Variants in ARHGEF18 observed in about 807,000 individuals in gnomAD.
The protein encoded by ARHGEF18 is rho guanine nucleotide exchange factor 18.
In ARHGEF18, 93 loss-of-function variants were observed where a neutral mutation model predicts 155.7. The ratio of observed to expected loss-of-function variants is 0.60; its 90% CI spans 0.50 to 0.71. The LOEUF is 0.71. Among genes scored for constraint, ARHGEF18 ranks in the 30% least tolerant of loss-of-function variants. ARHGEF18 has a pLI of 0.00. For synonymous variants in ARHGEF18, 742 were observed against 753.1 expected, an observed-to-expected ratio of 0.99 and a Z score of 0.24; for missense variants, 1,593 against 1,816.1, an observed-to-expected ratio of 0.88 and a Z score of 2.23.
At chr19:7,418,703 G>A (rs142857556) in intron 10 of ARHGEF18, among the ~76,000 whole-genome samples, 7 of 152,198 alleles carry the variant, frequency 4.6e-5, no homozygotes, top group Non-Finnish European at 7.4e-5. Flanking sequence ...CCCGGGCAGC[G>A]TGGCTGCGAT....
At chr19:7,433,697 CAAAG>C (rs1974096781) in intron 10 of ARHGEF18, among the ~76,000 whole-genome samples, 1 of 151,700 alleles carries the variant, frequency 6.6e-6, no homozygotes. Flanking sequence ...GACTGAGTCA[CAAAG>C]GAAGCACAGC....
At chr19:7,439,900 T>C (rs1399614610) in intron 10 of ARHGEF18, 1 of 1,458,574 alleles carries the variant, frequency 6.9e-7, no homozygotes, top group African/African-American at 1.4e-5. Flanking sequence ...TTTTTCTGTT[T>C]TATTCTATCA....
chr19:7,444,519 C>G lies in ARHGEF18; in HGVS notation c.1611+65C>G. On this transcript the variant is annotated intron_variant, in intron 14 of 28. Transcript: ENST00000668164. The surrounding 1 kb of genome is among the most constrained non-coding windows in gnomAD (Gnocchi z 4.7). ...TCTGCCTTGTCTCTGTTCCTTTCTT[C>G]TTTTTTTCTGAGATAGGGTCTTGCC... 6.3e-7 allele frequency: 1 copy of G among 1,576,710 alleles called. No homozygotes were observed.
chr19:7,467,170 G>GGCGC, intron 25 of ARHGEF18, 44 bp from the exon 26 acceptor site: 1 of 1,577,958 alleles, frequency 6.3e-7, no homozygotes. Flanking sequence ...GGTTGGCTGG[G>GGCGC]GCGCAGGTGC....
Position 7,359,559 on chromosome 19 carries a change from G to T in ARHGEF18, c.-110-3222G>T, listed in dbSNP as rs1050816419. On this transcript the variant is annotated intron_variant, in intron 1 of 28. Coordinates refer to ENST00000668164, the MANE Select transcript of ARHGEF18 (RefSeq NM_001367823.1). ...ATTAGGGCTTAGCCTATGACACTAG[G>T]ATCAGGGATCAATATATGACACCAG... Among the ~76,000 whole-genome samples the T allele has an allele frequency of 2.0e-5, 3 of 152,070 alleles. No homozygotes were observed. In the East Asian group the frequency reaches 5.8e-4, roughly 29 times the overall value.
In ARHGEF18 at chr19:7,362,056, A is replaced by G. The variant is rs370834809; in HGVS notation, c.-110-725A>G. 6.8e-3 allele frequency among the ~76,000 whole-genome samples: 250 copies of G among 36,968 alleles called. 9 individuals carry two copies. Among genetic ancestry groups the G allele is most frequent in the East Asian group, 0.053 (68 of 1,284 alleles). 24.3% of individuals were successfully genotyped at this position (36,968 alleles called of 152,430 possible). On this transcript the variant is annotated intron_variant, in intron 1 of 28. Transcript: ENST00000668164. ...GAAGGAGAAGGAGAAGGAGAAGGAG[A>G]AGGAGAAGGAGAAGGAGAAGGAGAA...
At chr19:7,389,397 C>T (rs1389393879) in intron 10 of ARHGEF18, among the ~76,000 whole-genome samples, 1 of 147,050 alleles carries the variant, frequency 6.8e-6, no homozygotes, top group Non-Finnish European at 1.5e-5. Flanking sequence ...TGGGCTCAAG[C>T]GATCCACCCA....
chr19:7,416,179 G>C (rs1205724523), intron 10 of ARHGEF18, among the ~76,000 whole-genome samples: 2 of 152,100 alleles, frequency 1.3e-5, no homozygotes, highest in East Asian at 1.9e-4. Flanking sequence ...AGGAGGATTA[G>C]TTGAGCCCAG....
At chr19:7,456,471 C>T in intron 18 of ARHGEF18, 68 bp downstream of exon 18, 1 of 1,446,384 alleles carries the variant, frequency 6.9e-7, no homozygotes, top group Non-Finnish European at 9.7e-7. Context: ...AATCCCAGCA[C>T]TTTGGGAGGC....
chr19:7,469,130 A>G lies in ARHGEF18; in HGVS notation c.3786A>G (p.Ser1262=), dbSNP rs777851547. ...KSRGSQRWES[S]ASFDLKQQLL... ...GGGGCTCTCAGCGCTGGGAGAGCTC[A>G]GGTGAGCCGGCCCCACCCCTTCGCC... The change falls in exon 27 of 29, where the codon TCA becomes TCG. Residue 1262 remains serine (S), a splice_region_variant and synonymous_variant. Transcript: ENST00000668164. 4.8e-5 allele frequency: 77 copies of G among 1,590,974 alleles called. No individual in the cohort carries two copies. The South Asian group carries it at 8.5e-4, about 18-fold the overall frequency.
chr19:7,352,137 C>G (rs536742223), intron 1 of ARHGEF18, among the ~76,000 whole-genome samples: 4 of 152,218 alleles, frequency 2.6e-5, no homozygotes, highest in African/African-American at 9.6e-5. Context: ...TTGTGAAAAA[C>G]TATAGGGATA....
rs540097946 is a variant in ARHGEF18, at chr19:7,450,338, T to C, written c.1738-811T>C. On this transcript the variant is annotated intron_variant, in intron 15 of 28. Transcript: ENST00000668164. ...TTAATACAGGATCTTGCTGTCCATTTCCAAGATGTTAATGCGGGATCTTGC... is the reference window on the plus strand; with the variant it reads ...TTAATACAGGATCTTGCTGTCCATTCCCAAGATGTTAATGCGGGATCTTGC... Among the ~76,000 whole-genome samples, 3 of 151,738 alleles carry C rather than the reference T, an allele frequency of 2.0e-5. No homozygotes were observed. The South Asian group carries it at 6.3e-4, about 32-fold the overall frequency.
chr19:7,456,218 A>G, intron 17 of ARHGEF18, 109 bp from the exon 18 acceptor site: 1 of 957,766 alleles, frequency 1.0e-6, no homozygotes, highest in Non-Finnish European at 1.7e-6. Context: ...CCCAGGCAGA[A>G]GCATCATGCT....
chr19:7,379,595 A>G (rs1970631568), intron 7 of ARHGEF18, among the ~76,000 whole-genome samples: 1 of 152,004 alleles, frequency 6.6e-6, no homozygotes, highest in African/African-American at 2.4e-5. Context: ...GGTTCAAGGG[A>G]AGAAAAATGG....
At position 7,462,810 on chromosome 19, in the gene ARHGEF18, C is replaced by G. The variant is rs1237556853; in HGVS notation, c.2635+476C>G. ...GCCGCTTGAGCAGGCAGTCAGCGCC[C>G]AGTCTGCTCTTTCTTTTTTTCTTTT... On this transcript the variant is annotated intron_variant, in intron 21 of 28. Coordinates refer to ENST00000668164, the MANE Select transcript of ARHGEF18 (RefSeq NM_001367823.1). The surrounding 1 kb of genome is among the most constrained non-coding windows in gnomAD (Gnocchi z 4.4). Among the ~76,000 whole-genome samples the G allele has an allele frequency of 6.6e-6, 1 of 151,540 alleles. No individual in the cohort carries two copies. Among genetic ancestry groups the G allele is most frequent in the Admixed American group, 6.6e-5 (1 of 15,190 alleles).
chr19:7,462,435 CCT>C lies in ARHGEF18; in HGVS notation c.2635+102_2635+103del. 1 of 1,346,242 alleles carries C rather than the reference CCT, an allele frequency of 7.4e-7. No individual in the cohort carries two copies. The highest frequency in any genetic ancestry group is 9.8e-7 in the Non-Finnish European group (1 of 1,020,898). The allele number at this position is 1,346,242 out of a possible 1,614,324, so 83.4% of individuals were successfully genotyped here. On this transcript the variant is annotated intron_variant, in intron 21 of 28. Transcript: ENST00000668164. The surrounding 1 kb of genome is among the most constrained non-coding windows in gnomAD (Gnocchi z 4.4). Reference sequence around the variant, plus strand: ...CGGCTCATTGTGGCCGACACGGCACCCTGTCCAGGACAGGCTTCTATGTGGGG... The same window carrying C: ...CGGCTCATTGTGGCCGACACGGCACCGTCCAGGACAGGCTTCTATGTGGGG...
At chr19:7,363,003 C>T in intron 2 of ARHGEF18, 98 bp downstream of exon 2, 2 of 1,208,412 alleles carry the variant, frequency 1.7e-6, no homozygotes, top group Non-Finnish European at 2.1e-6. Flanking sequence ...ACTTTGTGTA[C>T]ATTATCTCAG....
At position 7,357,419 on chromosome 19, in the gene ARHGEF18, C is replaced by A. The variant is rs1969355351; in HGVS notation, c.-110-5362C>A. Among the ~76,000 whole-genome samples, 3 of 152,162 alleles carry A rather than the reference C, an allele frequency of 2.0e-5. 1 individual carries two copies. The South Asian group carries it at 6.2e-4, about 31-fold the overall frequency. On this transcript the variant is annotated intron_variant, in intron 1 of 28. Transcript: ENST00000668164. Reference sequence around the variant, plus strand: ...ATATGCTAGCAGGTGGGGGAGTGAGCTGTGGGAACTGACAGTGACTCTTAA... The same window carrying A: ...ATATGCTAGCAGGTGGGGGAGTGAGATGTGGGAACTGACAGTGACTCTTAA...
chr19:7,453,732 G>A lies in ARHGEF18; in HGVS notation c.2104+17G>A, dbSNP rs942752982. 1 of 1,530,914 alleles carries A rather than the reference G, an allele frequency of 6.5e-7. No individual in the cohort carries two copies. The highest frequency in any genetic ancestry group is 8.8e-7 in the Non-Finnish European group (1 of 1,137,894). The allele number at this position is 1,530,914 out of a possible 1,614,324, so 94.8% of individuals were successfully genotyped here. A position where few individuals can be genotyped will look rare whatever the true frequency, so the allele number is the denominator to read the frequency against. On this transcript the variant is annotated intron_variant, in intron 17 of 28. Coordinates refer to ENST00000668164, the MANE Select transcript of ARHGEF18 (RefSeq NM_001367823.1). Reference sequence around the variant, plus strand: ...GCTTGAAAGGTAAAGGCCTGCCCCTGCCCACCTCTAGTGGGTGCCATCTTG... The same window carrying A: ...GCTTGAAAGGTAAAGGCCTGCCCCTACCCACCTCTAGTGGGTGCCATCTTG...
Sources: allele counts gnomAD v4.1 joint callset (sites outside exome capture counted in the v4.1 genomes callset), GRCh38; gene constraint gnomAD v4.1.1; non-coding constraint Gnocchi (gnomAD v3.1); transcripts MANE v1.5; gene names NCBI Gene and HGNC (gene_info 2026-07-23, HGNC 2026-07-21).